The following TCF25 variants were observed in gnomAD, a reference collection of about 807,000 sequenced individuals.
TCF25 encodes the protein ribosome quality control complex subunit TCF25.
In TCF25, 41 loss-of-function variants were observed where a neutral mutation model predicts 83.1. The observed-to-expected ratio is 0.49, with a 90% CI of 0.38 to 0.64. The LOEUF (loss-of-function observed/expected upper bound fraction) is 0.64, where lower values mean the gene tolerates loss of function less well. Ranked by LOEUF, TCF25 falls within the 30% of genes least tolerant of loss-of-function variation. The pLI, the probability that TCF25 is intolerant of heterozygous loss-of-function variation, is 0.00. For synonymous variants in TCF25, 458 were observed against 365.0 expected, an observed-to-expected ratio of 1.25 and a Z score of -2.90; for missense variants, 979 against 914.5, an observed-to-expected ratio of 1.07 and a Z score of -0.91.
rs1397659815 is a variant in TCF25 at position 89,893,763 on chromosome 16, C to T, written c.733C>T (p.Leu245Phe). The change falls in exon 7 of 18, where the codon CTC (leucine) becomes TTC (phenylalanine). Residue 245 changes from leucine (L) to phenylalanine (F), a missense_variant. Physicochemically the swap from Leu to Phe is conservative, Grantham distance 22. Transcript: ENST00000263346. ...SMRLLESKKG[L>F]SFFAFEHSEE... is the part of the protein sequence containing the mutation. The stretch of plus-strand genomic sequence containing the variant: ...GCGGCTGCTGGAATCAAAAAAAGGC[C>T]TCTCCTTCTTTGCGTTTGAGCACAG... 6.2e-7 allele frequency: 1 copy of T among 1,614,010 alleles called. No individual in the cohort carries two copies. The highest frequency in any genetic ancestry group is 2.2e-5 in the East Asian group (1 of 44,876).
chr16:89,910,372 C>T (rs1053285833), intron 16 of TCF25: 2 of 594,378 alleles, frequency 3.4e-6, no homozygotes, highest in Non-Finnish European at 6.0e-6. Flanking sequence ...TCTCCCTCAT[C>T]CTGTTCCCGC....
chr16:89,894,484 A>G (rs1597333813), intron 7 of TCF25, among the ~76,000 whole-genome samples: 1 of 152,326 alleles, frequency 6.6e-6, no homozygotes, highest in South Asian at 2.1e-4. Flanking sequence ...TGGGAAAAGC[A>G]GGCTGCTGCT....
In TCF25 at chr16:89,911,056, C is replaced by A. The variant is rs200056244; in HGVS notation, c.1873-24C>A. 7 of 1,609,316 alleles carry A rather than the reference C, an allele frequency of 4.3e-6. No homozygotes were observed. In the Admixed American group the frequency reaches 1.0e-4, roughly 23 times the overall value. On this transcript the variant is annotated intron_variant, in intron 17 of 17. Transcript: ENST00000263346. ...TAGTCCCAGCACAGACAGCCCCCTT[C>A]TCAGACATGTCCCCTTGCTGCAGGG...
intron 12 of TCF25, among the ~76,000 whole-genome samples, chr16:89,903,699 C>T (rs751464299): frequency 2.0e-5 from 3 of 151,072 alleles, no homozygotes; most frequent in Non-Finnish European, 4.4e-5. Context: ...CCCAGCTACT[C>T]GGGAGGCTGA....
At chr16:89,885,245 C>T (rs1597293012) in intron 3 of TCF25, among the ~76,000 whole-genome samples, 1 of 152,202 alleles carries the variant, frequency 6.6e-6, no homozygotes, top group Non-Finnish European at 1.5e-5. Context: ...GGGAAAGTTA[C>T]TTTCTAAATG....
chr16:89,884,225 A>G (rs921663605), intron 2 of TCF25, among the ~76,000 whole-genome samples: 3 of 152,170 alleles, frequency 2.0e-5, no homozygotes, highest in African/African-American at 4.8e-5. Flanking sequence ...GGGACCACAC[A>G]TACAGGTGCG....
At chr16:89,894,299 T>C (rs576270133) in intron 7 of TCF25, among the ~76,000 whole-genome samples, 33 of 140,368 alleles carry the variant, frequency 2.4e-4, no homozygotes, top group African/African-American at 8.8e-4. Context: ...ACAGTCCCCG[T>C]ACAGCCCCGG....
chr16:89,890,354 C>T (rs901065735), intron 5 of TCF25: 1 of 152,274 alleles, frequency 6.6e-6, no homozygotes, highest in Non-Finnish European at 1.5e-5. Flanking sequence ...ATCCTGCATG[C>T]TGCCAGTGCC....
intron 4 of TCF25, 128 bp downstream of exon 4, chr16:89,886,094 A>G (rs1002599009): frequency 1.5e-6 from 1 of 658,212 alleles, no homozygotes. Flanking sequence ...GGTTCTCTAA[A>G]AAAGGAAAAA....
At chr16:89,880,083 A>G (rs377457639) in intron 1 of TCF25, among the ~76,000 whole-genome samples, 44 of 135,068 alleles carry the variant, frequency 3.3e-4, no homozygotes, top group South Asian at 7.3e-4. Flanking sequence ...CGTGTTGTCC[A>G]TGTACACAGA....
intron 7 of TCF25, among the ~76,000 whole-genome samples, chr16:89,894,232 C>T (rs1437818023): frequency 3.3e-5 from 5 of 151,526 alleles, no homozygotes; most frequent in African/African-American, 7.3e-5. Context: ...AGCCCCCGGA[C>T]GGCCCCCACA....
intron 5 of TCF25, 102 bp downstream of exon 5, chr16:89,887,819 T>C: frequency 8.7e-7 from 1 of 1,145,336 alleles, no homozygotes; most frequent in Non-Finnish European, 1.2e-6. Flanking sequence ...TGAGGGAGAG[T>C]ATTTAAAGCC....
chr16:89,892,290 A>G lies in TCF25; in HGVS notation c.697+15A>G. On this transcript the variant is annotated intron_variant, in intron 6 of 17. Transcript: ENST00000263346. ...CAGCAAACCAGGTGAGGGTCTGCAG[A>G]TGCTGCTGGGGATGGAGGGTTGGGG... 2 of 1,588,874 alleles carry G rather than the reference A, an allele frequency of 1.3e-6. No individual in the cohort carries two copies. The highest frequency in any genetic ancestry group is 1.7e-6 in the Non-Finnish European group (2 of 1,165,742).
rs756254268 is a variant in TCF25, at chr16:89,893,712, C to T, written c.698-16C>T. 29 of 1,613,496 alleles carry T rather than the reference C, an allele frequency of 1.8e-5. No homozygotes were observed. The highest frequency in any genetic ancestry group is 2.4e-5 in the Non-Finnish European group (28 of 1,179,938). On this transcript the variant is annotated splice_polypyrimidine_tract_variant and intron_variant, in intron 6 of 17. Coordinates refer to ENST00000263346, the MANE Select transcript of TCF25 (RefSeq NM_014972.3). ...CTGCTCCCGGCACACCCTCCCTGAGCACTCTCCCCTCCCAGGTCTGTCCAT... is the reference window on the plus strand; with the variant it reads ...CTGCTCCCGGCACACCCTCCCTGAGTACTCTCCCCTCCCAGGTCTGTCCAT...
At chr16:89,908,663 TCCCA>T (rs2045255444) in intron 16 of TCF25, among the ~76,000 whole-genome samples, 3 of 135,902 alleles carry the variant, frequency 2.2e-5, no homozygotes, top group African/African-American at 2.7e-5. Flanking sequence ...ACCTCCCAGC[TCCCA>T]CCTCCCTCCT....
chr16:89,884,697 G>C, intron 3 of TCF25, 41 bp downstream of exon 3: 1 of 1,592,002 alleles, frequency 6.3e-7, no homozygotes. Flanking sequence ...CCCTCTGCCT[G>C]ACGCCCCTCT....
intron 16 of TCF25, chr16:89,910,328 G>C (rs943025942): frequency 7.4e-6 from 4 of 541,740 alleles, no homozygotes; most frequent in African/African-American, 5.7e-5. Context: ...TGGGAGCCTC[G>C]CTCCGGACGC....
At chr16:89,884,149 A>G (rs73276534) in intron 2 of TCF25, 29,749 of 179,256 alleles carry the variant, frequency 0.17, 3,371 homozygotes, top group African/African-American at 0.32. Flanking sequence ...CTTGAGGCTC[A>G]GGGTCCTGGG....
At chr16:89,897,747 T>G (rs2043975946) in intron 9 of TCF25, among the ~76,000 whole-genome samples, 1 of 152,196 alleles carries the variant, frequency 6.6e-6, no homozygotes. Flanking sequence ...GATTGGAGGA[T>G]AAATTAAGAT....
Sources: allele counts gnomAD v4.1 joint callset (sites outside exome capture counted in the v4.1 genomes callset), GRCh38; gene constraint gnomAD v4.1.1; transcripts MANE v1.5; gene names NCBI Gene and HGNC (gene_info 2026-07-23, HGNC 2026-07-21).